Variants in NR2C2 observed in about 807,000 individuals in gnomAD.
The protein encoded by NR2C2 is Nuclear hormone receptor TR4.
A neutral mutation model predicts 62.9 loss-of-function variants in NR2C2; 6 were observed. The observed-to-expected ratio is 0.10, with a 90% CI of 0.05 to 0.19. The LOEUF (loss-of-function observed/expected upper bound fraction) is 0.19. NR2C2 is among the 10% of genes least tolerant of loss of function. NR2C2 has a pLI of 1.00. For synonymous variants in NR2C2, 272 were observed against 273.8 expected (o/e 0.99, Z 0.07); for missense variants, 479 against 762.7 (o/e 0.63, Z 4.38).
intron 1 of NR2C2, among the ~76,000 whole-genome samples, chr3:14,992,879 G>C (rs1162306330): frequency 6.6e-6 from 1 of 152,150 alleles, no homozygotes; most frequent in African/African-American, 2.4e-5. Flanking sequence ...CAGTTTTCCT[G>C]TCAAGGTAAA....
At chr3:15,036,467 C>A (rs928820318) in intron 11 of NR2C2, among the ~76,000 whole-genome samples, 2 of 152,080 alleles carry the variant, frequency 1.3e-5, no homozygotes, top group African/African-American at 4.8e-5. Context: ...ACACTTGTAG[C>A]TGAAGTGGAA....
chr3:15,000,500 C>G (rs1047507187), intron 1 of NR2C2, among the ~76,000 whole-genome samples: 5 of 152,198 alleles, frequency 3.3e-5, no homozygotes, highest in African/African-American at 1.2e-4. Context: ...ATCTCTTCAA[C>G]AAACTGATTT....
At chr3:15,039,779 G>C (rs1485335093) in intron 13 of NR2C2, among the ~76,000 whole-genome samples, 5 of 152,190 alleles carry the variant, frequency 3.3e-5, no homozygotes, top group Non-Finnish European at 7.3e-5. Context: ...TTTACCCTCA[G>C]ATAAACTAAT....
chr3:15,020,960 G>T (rs749648605), intron 5 of NR2C2, 28 bp downstream of exon 5: 1 of 1,593,070 alleles, frequency 6.3e-7, no homozygotes, highest in Non-Finnish European at 8.6e-7. Flanking sequence ...AAAACCACAT[G>T]AGTTAATGTG....
intron 8 of NR2C2, 148 bp from the exon 9 acceptor site, chr3:15,030,127 C>A (rs2041941457): frequency 2.9e-6 from 2 of 699,168 alleles, no homozygotes; most frequent in South Asian, 2.0e-5. Flanking sequence ...TAGTTTGAGA[C>A]CAGCCTGGCC....
intron 2 of NR2C2, among the ~76,000 whole-genome samples, chr3:15,008,577 G>C (rs896138201): frequency 6.6e-6 from 1 of 152,044 alleles, no homozygotes; most frequent in Non-Finnish European, 1.5e-5. Flanking sequence ...TCCAGTGGCT[G>C]GTTTTTGCCT....
At chr3:14,950,301 C>G (rs2039313402) in intron 1 of NR2C2, among the ~76,000 whole-genome samples, 1 of 152,120 alleles carries the variant, frequency 6.6e-6, no homozygotes, top group Non-Finnish European at 1.5e-5. Flanking sequence ...CTAAATAGTA[C>G]TAACCAAAGT....
intron 1 of NR2C2, among the ~76,000 whole-genome samples, chr3:14,953,518 A>G (rs56805944): frequency 0.016 from 2,409 of 152,228 alleles, 68 homozygotes; most frequent in African/African-American, 0.054. Flanking sequence ...TGCTTTATTT[A>G]CCTTTGTTGT....
intron 1 of NR2C2, among the ~76,000 whole-genome samples, chr3:14,999,038 C>A (rs1469299102): frequency 6.6e-6 from 1 of 152,036 alleles, no homozygotes; most frequent in Non-Finnish European, 1.5e-5. Context: ...TTTTTAAGGC[C>A]AGGTGCAGTG....
chr3:14,957,110 C>T (rs149623192), intron 1 of NR2C2, among the ~76,000 whole-genome samples: 2 of 152,312 alleles, frequency 1.3e-5, no homozygotes, highest in African/African-American at 2.4e-5. Flanking sequence ...GAGCTTAGTG[C>T]CTGAGCCTCA....
intron 1 of NR2C2, among the ~76,000 whole-genome samples, chr3:14,991,926 C>T (rs2040684171): frequency 6.6e-6 from 1 of 151,776 alleles, no homozygotes; most frequent in South Asian, 2.1e-4. Flanking sequence ...TGCGACACCA[C>T]GCCTGGATAA....
Position 15,034,799 on chromosome 3 carries a change from C to T in NR2C2, c.1362C>T (p.Ser454=). The T allele has an allele frequency of 6.2e-7, 1 of 1,612,628 alleles. No individual in the cohort carries two copies. Among genetic ancestry groups the T allele is most frequent in the East Asian group, 2.2e-5 (1 of 44,838 alleles). Residue 454 remains serine (S), a synonymous_variant, in exon 11 of 14, where the codon AGC becomes AGT. Transcript: ENST00000425241. The part of the protein sequence containing the change: ...LAAIVNHLQN[S]IQEDKLSGDR... ...CCATTGTCAACCACCTGCAGAACAG[C>T]ATCCAGGAAGGTAGGGCACAGGGAC...
At position 15,048,388 on chromosome 3, in the gene NR2C2, C is replaced by T. The variant is rs566776598; in HGVS notation, c.*5380C>T. The T allele has an allele frequency of 6.6e-6, 1 of 152,624 alleles. No homozygotes were observed. The highest frequency in any genetic ancestry group is 1.5e-5 in the Non-Finnish European group (1 of 68,030). 9.5% of individuals were successfully genotyped at this position (152,624 alleles called of 1,614,324 possible). A position where few individuals can be genotyped will look rare whatever the true frequency, so the allele number is the denominator to read the frequency against. On this transcript the variant is annotated 3_prime_UTR_variant, in exon 14 of 14. Transcript: ENST00000425241. Reference sequence around the variant, plus strand: ...TTTCCTTTGGGGCTATTTAGCTTAACAGCAGTCTACAAATAATTAAAGTGT... The same window carrying T: ...TTTCCTTTGGGGCTATTTAGCTTAATAGCAGTCTACAAATAATTAAAGTGT...
chr3:14,970,464 A>G (rs1361900750), intron 1 of NR2C2, among the ~76,000 whole-genome samples: 1 of 152,146 alleles, frequency 6.6e-6, no homozygotes, highest in African/African-American at 2.4e-5. Context: ...GAAACTCGGT[A>G]TCCATGTAGC....
chr3:14,971,810 C>CTTTT (rs533448715), intron 1 of NR2C2, among the ~76,000 whole-genome samples: 1 of 135,466 alleles, frequency 7.4e-6, no homozygotes, highest in Non-Finnish European at 1.6e-5. Flanking sequence ...TTTCTTTTTT[C>CTTTT]TTTTTTTTTT....
At chr3:14,956,169 T>C (rs2039517610) in intron 1 of NR2C2, among the ~76,000 whole-genome samples, 1 of 152,240 alleles carries the variant, frequency 6.6e-6, no homozygotes, top group South Asian at 2.1e-4. Flanking sequence ...TCTTTTCTGT[T>C]GATGAACATT....
At chr3:14,953,013 G>A (rs1431241418) in intron 1 of NR2C2, among the ~76,000 whole-genome samples, 1 of 152,214 alleles carries the variant, frequency 6.6e-6, no homozygotes, top group East Asian at 1.9e-4. Context: ...TACAATAAAT[G>A]CAGATGCAGA....
intron 1 of NR2C2, among the ~76,000 whole-genome samples, chr3:14,975,982 C>T (rs889609852): frequency 2.0e-5 from 3 of 151,846 alleles, no homozygotes; most frequent in African/African-American, 7.3e-5. Context: ...CCATGTTGCC[C>T]GGGCTGACCT....
At chr3:15,015,886 C>T (rs1197649176) in intron 3 of NR2C2, among the ~76,000 whole-genome samples, 1 of 152,194 alleles carries the variant, frequency 6.6e-6, no homozygotes, top group Non-Finnish European at 1.5e-5. Context: ...ACTACAACCT[C>T]TGCCTCCCGG....
Sources: allele counts gnomAD v4.1 joint callset (sites outside exome capture counted in the v4.1 genomes callset), GRCh38; gene constraint gnomAD v4.1.1; transcripts MANE v1.5; gene names NCBI Gene and HGNC (gene_info 2026-07-23, HGNC 2026-07-21).